The following CTNNA3 variants were observed in gnomAD, a reference collection of about 807,000 sequenced individuals.
CTNNA3 encodes catenin alpha 3.
A neutral mutation model predicts 95.7 loss-of-function variants in CTNNA3; 76 were observed. The ratio of observed to expected loss-of-function variants is 0.79; its 90% CI spans 0.66 to 0.96. The LOEUF is 0.96. CTNNA3 is among the 40% of genes least tolerant of loss of function. The pLI, the probability that CTNNA3 is intolerant of heterozygous loss-of-function variation, is 0.00. For missense variants in CTNNA3, 1,191 were observed against 1,089.8 expected (o/e 1.09, Z -1.31); for synonymous variants, 431 against 374.4 (o/e 1.15, Z -1.74).
At chr10:67,556,090 C>G (rs540156973) in intron 3 of CTNNA3, among the ~76,000 whole-genome samples, 2 of 152,270 alleles carry the variant, frequency 1.3e-5, no homozygotes, top group South Asian at 2.1e-4. Context: ...AGCCTTGCAT[C>G]CCAGGGATAA....
chr10:67,574,302 T>C (rs1842071752), intron 3 of CTNNA3, among the ~76,000 whole-genome samples: 1 of 152,208 alleles, frequency 6.6e-6, no homozygotes, highest in African/African-American at 2.4e-5. Context: ...ATTATCTATT[T>C]ACTCCCTACA....
intron 2 of CTNNA3, among the ~76,000 whole-genome samples, chr10:67,642,565 A>G (rs1839573863): frequency 6.6e-6 from 1 of 152,126 alleles, no homozygotes; most frequent in Non-Finnish European, 1.5e-5. Context: ...TAAGAATACA[A>G]AAATTAACCG....
intron 7 of CTNNA3, among the ~76,000 whole-genome samples, chr10:67,019,194 C>T (rs1311006175): frequency 6.6e-6 from 1 of 152,000 alleles, no homozygotes; most frequent in Non-Finnish European, 1.5e-5. Flanking sequence ...ACCATTCTTG[C>T]CACTTTTCTT....
At chr10:66,458,623 T>C (rs967188754) in intron 11 of CTNNA3, among the ~76,000 whole-genome samples, 1 of 152,190 alleles carries the variant, frequency 6.6e-6, no homozygotes, top group African/African-American at 2.4e-5. Context: ...CTATTCTATT[T>C]TCTGCCTCTA....
intron 11 of CTNNA3, among the ~76,000 whole-genome samples, chr10:66,473,973 C>T (rs1019512512): frequency 5.3e-5 from 8 of 152,068 alleles, no homozygotes; most frequent in Non-Finnish European, 1.2e-4. Context: ...CCACAATAAA[C>T]ATACGTGTAC....
intron 13 of CTNNA3, among the ~76,000 whole-genome samples, chr10:66,138,825 T>C (rs1389707031): frequency 6.6e-6 from 1 of 152,142 alleles, no homozygotes; most frequent in East Asian, 1.9e-4. Context: ...CACCACTGCA[T>C]TCCAGCCTGG....
chr10:67,454,572 C>G (rs1022948774), intron 5 of CTNNA3, among the ~76,000 whole-genome samples: 2 of 152,086 alleles, frequency 1.3e-5, no homozygotes, highest in African/African-American at 4.8e-5. Flanking sequence ...ATGCTGGCCT[C>G]GCATCAAAAG....
At chr10:66,992,894 A>T (rs545318874) in intron 7 of CTNNA3, among the ~76,000 whole-genome samples, 3 of 152,266 alleles carry the variant, frequency 2.0e-5, no homozygotes, top group African/African-American at 7.2e-5. Flanking sequence ...ATCCTCTTCA[A>T]TTTGACCATT....
At chr10:67,720,655 T>C (rs191815394) in intron 1 of CTNNA3, among the ~76,000 whole-genome samples, 4 of 152,272 alleles carry the variant, frequency 2.6e-5, no homozygotes, top group African/African-American at 7.2e-5. Context: ...TTGAAAATTC[T>C]TTTCTTTAAG....
At chr10:67,202,254 T>A (rs1359160219) in intron 6 of CTNNA3, among the ~76,000 whole-genome samples, 1 of 151,264 alleles carries the variant, frequency 6.6e-6, no homozygotes, top group Non-Finnish European at 1.5e-5. Flanking sequence ...ATAAAGCCTG[T>A]AAATTATAGA....
At chr10:67,367,023 C>T (rs1843242596) in intron 5 of CTNNA3, among the ~76,000 whole-genome samples, 1 of 152,076 alleles carries the variant, frequency 6.6e-6, no homozygotes. Context: ...CCTTTTTAGA[C>T]ATCAGCCTTG....
chr10:66,141,394 A>G lies in CTNNA3; in HGVS notation c.1885-38145T>C, dbSNP rs145929913. 8.7e-4 allele frequency among the ~76,000 whole-genome samples: 132 copies of G among 152,310 alleles called. 1 individual carries two copies. The highest frequency in any genetic ancestry group is 6.8e-3 in the Middle Eastern group (2 of 294). On this transcript the variant is annotated intron_variant, in intron 13 of 17. Coordinates refer to ENST00000433211, the MANE Select transcript of CTNNA3 (RefSeq NM_013266.4). The stretch of plus-strand genomic sequence containing the variant: ...TGTTTGAGGTTAAAATTTACATTAA[A>G]GAATATTGTTATTTATACCAAAAAA...
At chr10:67,607,107 T>C (rs1843304236) in intron 2 of CTNNA3, 58 bp from the exon 3 acceptor site, 2 of 1,364,462 alleles carry the variant, frequency 1.5e-6, no homozygotes, top group Admixed American at 3.7e-5. Flanking sequence ...AACACAGTCC[T>C]GGGATATTAC....
At chr10:66,340,368 C>G (rs1400859957) in intron 12 of CTNNA3, among the ~76,000 whole-genome samples, 2 of 151,912 alleles carry the variant, frequency 1.3e-5, no homozygotes, top group South Asian at 2.1e-4. Flanking sequence ...CAAGGAGACA[C>G]AGCTAATCCC....
intron 5 of CTNNA3, among the ~76,000 whole-genome samples, chr10:67,387,105 G>C (rs890648718): frequency 5.9e-5 from 9 of 152,166 alleles, no homozygotes; most frequent in African/African-American, 1.7e-4. Flanking sequence ...CAGCGTGAGC[G>C]ACGCAGAAGA....
chr10:67,132,191 T>C (rs945848838), intron 7 of CTNNA3, among the ~76,000 whole-genome samples: 4 of 152,142 alleles, frequency 2.6e-5, no homozygotes, highest in Non-Finnish European at 5.9e-5. Flanking sequence ...CTTATGTTTC[T>C]AGCTTGGGTG....
intron 7 of CTNNA3, among the ~76,000 whole-genome samples, chr10:67,017,081 C>A (rs1000143286): frequency 1.3e-5 from 2 of 152,110 alleles, no homozygotes; most frequent in Non-Finnish European, 2.9e-5. Context: ...ATGGAGCTCA[C>A]AGATTTATAG....
chr10:67,109,498 G>A (rs1023918455), intron 7 of CTNNA3, among the ~76,000 whole-genome samples: 2 of 152,190 alleles, frequency 1.3e-5, no homozygotes. Flanking sequence ...AACCAAAGTA[G>A]TATTAGTGAA....
intron 15 of CTNNA3, among the ~76,000 whole-genome samples, chr10:66,002,454 G>A (rs1010821466): frequency 1.3e-5 from 2 of 152,122 alleles, no homozygotes; most frequent in Non-Finnish European, 2.9e-5. Flanking sequence ...TGTTTGTCTG[G>A]CATTGTATAT....
Sources: allele counts gnomAD v4.1 joint callset (sites outside exome capture counted in the v4.1 genomes callset), GRCh38; gene constraint gnomAD v4.1.1; transcripts MANE v1.5; gene names NCBI Gene and HGNC (gene_info 2026-07-23, HGNC 2026-07-21).